The following PKNOX2 variants were observed in gnomAD, a reference collection of about 807,000 sequenced individuals.
PKNOX2 encodes the protein PBX/knotted 1 homeobox 2, also known as homeobox protein PKNOX2.
Under a neutral mutation model 53.1 loss-of-function variants are expected in PKNOX2, and 14 were observed. The ratio of observed to expected loss-of-function variants is 0.26; its 90% CI spans 0.17 to 0.41. The LOEUF (loss-of-function observed/expected upper bound fraction) is 0.41. Ranked by LOEUF, PKNOX2 falls within the 10% of genes least tolerant of loss-of-function variation. The probability of loss-of-function intolerance (pLI) is 1.00; values close to 1 mark genes in which losing one functional copy is unlikely to be tolerated. For synonymous variants in PKNOX2, 257 were observed against 242.8 expected, an observed-to-expected ratio of 1.06 and a Z score of -0.54; for missense variants, 496 against 602.8, an observed-to-expected ratio of 0.82 and a Z score of 1.85.
intron 1 of PKNOX2, among the ~76,000 whole-genome samples, chr11:125,233,923 G>A (rs1942448761): frequency 6.6e-6 from 1 of 152,166 alleles, no homozygotes; most frequent in African/African-American, 2.4e-5. Flanking sequence ...GCCCTCTATT[G>A]CCTGACACCA....
At chr11:125,368,020 A>G in intron 5 of PKNOX2, 35 bp downstream of exon 5, 1 of 1,595,572 alleles carries the variant, frequency 6.3e-7, no homozygotes, top group Non-Finnish European at 8.5e-7. Context: ...ACAGCCCTCA[A>G]CCAGCTTCAG....
chr11:125,205,136 C>T (rs547243977), intron 1 of PKNOX2, among the ~76,000 whole-genome samples: 60 of 152,338 alleles, frequency 3.9e-4, no homozygotes, highest in African/African-American at 1.4e-3. Context: ...AGAAGATGCT[C>T]CATACATATT....
Position 125,358,102 on chromosome 11 carries a change from A to G in PKNOX2, c.87+6710A>G, listed in dbSNP as rs138610247. Among the ~76,000 whole-genome samples, 1,073 of 152,290 alleles carry G rather than the reference A, an allele frequency of 7.0e-3. 11 individuals carry two copies. Among genetic ancestry groups the G allele is most frequent in the African/African-American group, 0.024 (999 of 41,562 alleles). On this transcript the variant is annotated intron_variant, in intron 4 of 12. Transcript: ENST00000298282. ...AACAAAAAGTACAGTGGTGTTCCTCAGCCCCTTTTCACCCTCACCCCAACT... is the reference window on the plus strand; with the variant it reads ...AACAAAAAGTACAGTGGTGTTCCTCGGCCCCTTTTCACCCTCACCCCAACT...
intron 2 of PKNOX2, among the ~76,000 whole-genome samples, chr11:125,329,172 T>C (rs756040701): frequency 1.3e-5 from 2 of 152,236 alleles, no homozygotes; most frequent in Admixed American, 6.5e-5. Flanking sequence ...AAAATTATAA[T>C]ATATTTTCCT....
At chr11:125,175,754 G>T (rs1955666294) in intron 1 of PKNOX2, among the ~76,000 whole-genome samples, 1 of 152,200 alleles carries the variant, frequency 6.6e-6, no homozygotes, top group South Asian at 2.1e-4. Context: ...CGTCAGAGCT[G>T]GCCTCACTTT....
chr11:125,423,690 G>A (rs910189251), intron 10 of PKNOX2, among the ~76,000 whole-genome samples: 3 of 152,120 alleles, frequency 2.0e-5, no homozygotes, highest in Non-Finnish European at 4.4e-5. Context: ...TAGCTACACA[G>A]ACCCAAAGCC....
intron 1 of PKNOX2, among the ~76,000 whole-genome samples, chr11:125,233,067 T>C (rs1402737126): frequency 6.6e-6 from 1 of 152,194 alleles, no homozygotes; most frequent in Non-Finnish European, 1.5e-5. Flanking sequence ...TTCAAAATTA[T>C]TTCATTGGTA....
At chr11:125,279,514 T>G (rs1459940678) in intron 2 of PKNOX2, among the ~76,000 whole-genome samples, 1 of 152,248 alleles carries the variant, frequency 6.6e-6, no homozygotes, top group African/African-American at 2.4e-5. Flanking sequence ...ACTCCCAGTC[T>G]GAAGCTGTGG....
At chr11:125,297,660 G>T (rs1308718702) in intron 2 of PKNOX2, among the ~76,000 whole-genome samples, 1 of 152,152 alleles carries the variant, frequency 6.6e-6, no homozygotes, top group Non-Finnish European at 1.5e-5. Context: ...TTCCTCACCA[G>T]CCTCATCTAT....
chr11:125,297,522 G>A (rs916709045), intron 2 of PKNOX2, among the ~76,000 whole-genome samples: 26 of 152,218 alleles, frequency 1.7e-4, no homozygotes, highest in African/African-American at 6.3e-4. Context: ...AGAAGTCAGA[G>A]AAGGCTTCCT....
chr11:125,185,665 G>A (rs1469386556), intron 1 of PKNOX2, among the ~76,000 whole-genome samples: 1 of 152,074 alleles, frequency 6.6e-6, no homozygotes, highest in Non-Finnish European at 1.5e-5. Context: ...ATTCATCTGT[G>A]CCATTAACAT....
At chr11:125,398,214 C>A in intron 7 of PKNOX2, 152 bp downstream of exon 7, 1 of 708,720 alleles carries the variant, frequency 1.4e-6, no homozygotes, top group Non-Finnish European at 2.3e-6. Context: ...CACTCTTCTT[C>A]ATATCCATTA....
chr11:125,379,710 G>A (rs1338750497), intron 5 of PKNOX2, among the ~76,000 whole-genome samples: 1 of 152,056 alleles, frequency 6.6e-6, no homozygotes, highest in African/African-American at 2.4e-5. Flanking sequence ...GTCTCTAATC[G>A]CCTCTCCCGG....
intron 1 of PKNOX2, among the ~76,000 whole-genome samples, chr11:125,202,923 T>C (rs1034931655): frequency 2.0e-5 from 3 of 152,234 alleles, no homozygotes; most frequent in African/African-American, 7.2e-5. Flanking sequence ...AAACCTTTCA[T>C]TATGAGGTAA....
intron 1 of PKNOX2, among the ~76,000 whole-genome samples, chr11:125,187,211 A>G (rs886164262): frequency 1.3e-5 from 2 of 151,790 alleles, no homozygotes; most frequent in African/African-American, 4.8e-5. Context: ...TTGCAATTCC[A>G]TTTGAAGTTG....
intron 1 of PKNOX2, among the ~76,000 whole-genome samples, chr11:125,233,630 G>C (rs1391189960): frequency 1.3e-5 from 2 of 152,204 alleles, no homozygotes; most frequent in Non-Finnish European, 2.9e-5. Context: ...ACCTCCATGA[G>C]CTATGAGCCT....
At chr11:125,431,070 G>A in intron 12 of PKNOX2, 96 bp from the exon 13 acceptor site, 2 of 1,490,182 alleles carry the variant, frequency 1.3e-6, no homozygotes, top group South Asian at 2.7e-5. Flanking sequence ...GGAGTTCACT[G>A]CTCTATGAGC....
chr11:125,349,523 G>C (rs977040844), intron 3 of PKNOX2, among the ~76,000 whole-genome samples: 1 of 152,154 alleles, frequency 6.6e-6, no homozygotes, highest in Non-Finnish European at 1.5e-5. Context: ...TGAGGCCGAC[G>C]GAACCGGCCT....
intron 1 of PKNOX2, among the ~76,000 whole-genome samples, chr11:125,200,520 A>C (rs1044206138): frequency 6.6e-6 from 1 of 152,070 alleles, no homozygotes; most frequent in African/African-American, 2.4e-5. Context: ...ATGGCTCTCC[A>C]TGCACCATGC....
Sources: allele counts gnomAD v4.1 joint callset (sites outside exome capture counted in the v4.1 genomes callset), GRCh38; gene constraint gnomAD v4.1.1; transcripts MANE v1.5; gene names NCBI Gene and HGNC (gene_info 2026-07-23, HGNC 2026-07-21).